The following DPP6 variants were observed in gnomAD, a reference collection of about 807,000 sequenced individuals.
DPP6 encodes the protein A-type potassium channel modulatory protein DPP6.
A neutral mutation model predicts 122.6 loss-of-function variants in DPP6; 69 were observed. The ratio of observed to expected loss-of-function variants is 0.56; its 90% CI spans 0.46 to 0.69. DPP6 has a LOEUF of 0.69. Ranked by LOEUF, DPP6 falls within the 30% of genes least tolerant of loss-of-function variation. The pLI is 0.00. For missense variants in DPP6, 928 were observed against 1,116.9 expected, an observed-to-expected ratio of 0.83 and a Z score of 2.41; for synonymous variants, 418 against 433.1, an observed-to-expected ratio of 0.97 and a Z score of 0.43.
At chr7:154,437,722 G>A (rs1315404382) in intron 1 of DPP6, among the ~76,000 whole-genome samples, 1 of 152,194 alleles carries the variant, frequency 6.6e-6, no homozygotes, top group African/African-American at 2.4e-5. Flanking sequence ...GATCCCTTGA[G>A]TCCAGGAGTT....
intron 4 of DPP6, among the ~76,000 whole-genome samples, chr7:154,557,029 G>T (rs181553935): frequency 6.6e-6 from 1 of 152,118 alleles, no homozygotes; most frequent in African/African-American, 2.4e-5. Flanking sequence ...AGGGCCACTC[G>T]TTCTGAGAAA....
chr7:153,768,901 T>C, the DPP6 span, among the ~76,000 whole-genome samples: 1 of 152,164 alleles, frequency 6.6e-6, no homozygotes, highest in Non-Finnish European at 1.5e-5. Flanking sequence ...ATGAATCTAA[T>C]AGGTTAATTC....
intron 3 of DPP6, among the ~76,000 whole-genome samples, chr7:154,529,239 G>T (rs1827652724): frequency 6.6e-6 from 1 of 152,162 alleles, no homozygotes; most frequent in Admixed American, 6.5e-5. Context: ...CCAGAGAGGG[G>T]ATCCCCAGTC....
At chr7:154,884,199 T>TGCG (rs1805843704) in intron 21 of DPP6, 1 of 132,256 alleles carries the variant, frequency 7.6e-6, no homozygotes, top group Non-Finnish European at 1.6e-5. Flanking sequence ...TACATACACC[T>TGCG]CCCACATACA....
intron 16 of DPP6, among the ~76,000 whole-genome samples, chr7:154,824,805 C>T (rs1228839899): frequency 6.6e-6 from 1 of 152,164 alleles, no homozygotes; most frequent in African/African-American, 2.4e-5. Flanking sequence ...AGGTGGCAAA[C>T]GCAGGTGCCC....
At chr7:153,891,091 G>A (rs189095252) in intron 1 of DPP6, among the ~76,000 whole-genome samples, 2,284 of 141,908 alleles carry the variant, frequency 0.016, 40 homozygotes, top group Middle Eastern at 0.041. Flanking sequence ...GTGCTATCTC[G>A]GCTCACTGCA....
intron 1 of DPP6, among the ~76,000 whole-genome samples, chr7:153,923,088 A>G (rs573235660): frequency 3.3e-5 from 5 of 152,236 alleles, no homozygotes; most frequent in Non-Finnish European, 5.9e-5. Context: ...GAAAGCAAGG[A>G]TGGAATGGTG....
intron 4 of DPP6, among the ~76,000 whole-genome samples, chr7:154,557,491 C>T (rs1388190252): frequency 6.6e-6 from 1 of 152,104 alleles, no homozygotes; most frequent in Non-Finnish European, 1.5e-5. Flanking sequence ...ATCTAGGGAG[C>T]ATCTCTATTA....
chr7:154,574,963 G>C lies in DPP6; in HGVS notation c.627+8047G>C, dbSNP rs944997629. 4.9e-5 allele frequency among the ~76,000 whole-genome samples: 7 copies of C among 142,466 alleles called. No individual in the cohort carries two copies. The Admixed American group carries it at 4.9e-4, about 10-fold the overall frequency. The allele number at this position is 142,466 out of a possible 152,430, so 93.5% of individuals were successfully genotyped here. ...TTGTGTGTGTGTGATGTGTGTTTTT[G>C]TGTGGTGTGTGGTGTGCTGTGTGTG... On this transcript the variant is annotated intron_variant, in intron 5 of 25. Coordinates refer to ENST00000377770, the MANE Select transcript of DPP6 (RefSeq NM_130797.4).
At chr7:154,848,656 T>C (rs538260592) in intron 16 of DPP6, among the ~76,000 whole-genome samples, 1 of 152,342 alleles carries the variant, frequency 6.6e-6, no homozygotes, top group South Asian at 2.1e-4. Flanking sequence ...TATGCAGAAA[T>C]TTAGGATGAT....
chr7:154,892,392 G>T lies in DPP6; in HGVS notation c.2510G>T (p.Arg837Leu). ...TCCAGCCTCAAACAGCATCTGTACC[G>T]GTCCATCATCAACTTCTTCGTGGAA... is the stretch of plus-strand genomic sequence containing the variant. ...TSSSLKQHLY[R>L]SIINFFVECF... The change falls in exon 26 of 26, where the codon CGG becomes CTG. Residue 837 changes from arginine (R) to leucine (L), a missense_variant. Physicochemically the swap from Arg to Leu is moderately radical, Grantham distance 102 (BLOSUM62 -2). Coordinates refer to ENST00000377770, the MANE Select transcript of DPP6 (RefSeq NM_130797.4). 1.2e-6 allele frequency: 2 copies of T among 1,614,012 alleles called. No homozygotes were observed. The highest frequency in any genetic ancestry group is 1.7e-6 in the Non-Finnish European group (2 of 1,179,896).
intron 1 of DPP6, among the ~76,000 whole-genome samples, chr7:154,022,571 T>G (rs1798755224): frequency 6.6e-6 from 1 of 152,204 alleles, no homozygotes; most frequent in South Asian, 2.1e-4. Context: ...TCCCCCTTCC[T>G]GCCATGGATG....
chr7:154,052,587 G>T lies in DPP6; in HGVS notation c.-234G>T. On this transcript the variant is annotated 5_prime_UTR_variant, in exon 1 of 26. Coordinates refer to ENST00000377770, the MANE Select transcript of DPP6 (RefSeq NM_130797.4). The surrounding 1 kb of genome is among the most constrained non-coding windows in gnomAD (Gnocchi z 4.8). ...CACAGCCAGAGCCCCGGCTTCGCGA[G>T]CCGCCGGGGAGGGGGCGGAGGAGGC... 1 of 1,204,212 alleles carries T rather than the reference G, an allele frequency of 8.3e-7. No homozygotes were observed. The allele number at this position is 1,204,212 out of a possible 1,614,324, so 74.6% of individuals were successfully genotyped here.
At position 154,497,076 on chromosome 7, in the gene DPP6, T is replaced by C. The variant is rs540016151; in HGVS notation, c.457+22039T>C. 7.2e-3 allele frequency among the ~76,000 whole-genome samples: 1,100 copies of C among 152,102 alleles called. 13 individuals are homozygous for C. Among genetic ancestry groups the C allele is most frequent in the African/African-American group, 0.025 (1,032 of 41,494 alleles). ...ACTCCCTCCCTCCCCCCATGAACCA[T>C]TGTAGGTTAAAATAGCCCAGTGGTA... On this transcript the variant is annotated intron_variant, in intron 3 of 25. Transcript: ENST00000377770.
chr7:153,821,724 A>G, the DPP6 span, among the ~76,000 whole-genome samples: 1 of 130,662 alleles, frequency 7.7e-6, no homozygotes, highest in Admixed American at 8.2e-5. Context: ...TTGCCGAGTG[A>G]TGTTCGCATT....
intron 1 of DPP6, among the ~76,000 whole-genome samples, chr7:153,956,363 A>T (rs936133295): frequency 9.9e-5 from 15 of 152,110 alleles, no homozygotes; most frequent in Admixed American, 5.2e-4. Context: ...GCCTGAAAGA[A>T]TTGGCAGTGT....
intron 5 of DPP6, among the ~76,000 whole-genome samples, chr7:154,623,654 C>T (rs1438169538): frequency 2.2e-5 from 3 of 137,084 alleles, no homozygotes; most frequent in African/African-American, 7.1e-5. Flanking sequence ...CGCACACACG[C>T]GCACACACAC....
At chr7:153,926,724 C>G (rs529888547) in intron 1 of DPP6, among the ~76,000 whole-genome samples, 1 of 151,358 alleles carries the variant, frequency 6.6e-6, no homozygotes, top group Non-Finnish European at 1.5e-5. Context: ...AATCACTTGC[C>G]GATTAGAATT....
chr7:154,659,173 T>A (rs1271189944), intron 6 of DPP6, among the ~76,000 whole-genome samples: 2 of 152,332 alleles, frequency 1.3e-5, no homozygotes, highest in East Asian at 1.9e-4. Context: ...GGAACAGATG[T>A]GGAGAATATG....
Sources: gnomAD v4.1 joint callset for allele counts (sites outside exome capture counted in the v4.1 genomes callset) on GRCh38, gnomAD v4.1.1 for gene constraint, Gnocchi (gnomAD v3.1) non-coding constraint, MANE v1.5 for transcripts, NCBI Gene and HGNC (gene_info 2026-07-23, HGNC 2026-07-21) for gene names.